The following EYA3 variants were observed in gnomAD, a reference collection of about 807,000 sequenced individuals.
EYA3 encodes the protein protein phosphatase EYA3.
A neutral mutation model predicts 80.0 loss-of-function variants in EYA3; 39 were observed. That is an observed-to-expected ratio of 0.49 (90% CI 0.38 to 0.64). The LOEUF (loss-of-function observed/expected upper bound fraction) is 0.64, where lower values mean the gene tolerates loss of function less well. EYA3 is among the 30% of genes least tolerant of loss of function. EYA3 has a pLI of 0.00. For synonymous variants in EYA3, 206 were observed against 232.8 expected (o/e 0.88, Z 1.05); for missense variants, 523 against 676.1 (o/e 0.77, Z 2.51).
At position 27,974,407 on chromosome 1, in the gene EYA3, T is replaced by C. The variant is rs1638839983; in HGVS notation, c.*59A>G. The C allele has an allele frequency of 7.5e-7, 1 of 1,340,978 alleles. No individual in the cohort carries two copies. The highest frequency in any genetic ancestry group is 1.1e-6 in the Non-Finnish European group (1 of 950,966). 83.1% of individuals were successfully genotyped at this position (1,340,978 alleles called of 1,614,324 possible). A position where few individuals can be genotyped will look rare whatever the true frequency, so the allele number is the denominator to read the frequency against. The stretch of plus-strand genomic sequence containing the variant: ...AGAGAAAGTTCTCAGTTGGTTCCAG[T>C]CTCCAGCTCCCTTCAGGAGTGAAAA... On this transcript the variant is annotated 3_prime_UTR_variant, in exon 18 of 18. Transcript: ENST00000373871.
chr1:28,019,147 CAG>C (rs1642261502), intron 7 of EYA3, among the ~76,000 whole-genome samples: 1 of 152,058 alleles, frequency 6.6e-6, no homozygotes, highest in Non-Finnish European at 1.5e-5. Context: ...GCCTGGGCGA[CAG>C]AGTGACTCAG....
chr1:28,042,660 C>T lies in EYA3; in HGVS notation c.78-10G>A. The T allele has an allele frequency of 6.2e-7, 1 of 1,611,574 alleles. No individual in the cohort carries two copies. Among genetic ancestry groups the T allele is most frequent in the African/African-American group, 1.3e-5 (1 of 74,986 alleles). ...TGGATTGCTTACTTGACTGGGAGAACCAAAATGAATACATTAGCCCCTGAT... is the reference window on the plus strand; with the variant it reads ...TGGATTGCTTACTTGACTGGGAGAATCAAAATGAATACATTAGCCCCTGAT... On this transcript the variant is annotated splice_polypyrimidine_tract_variant and intron_variant, in intron 3 of 17. Transcript: ENST00000373871.
intron 3 of EYA3, among the ~76,000 whole-genome samples, 179 bp from the exon 4 acceptor site, chr1:28,042,829 C>A (rs925007668): frequency 1.3e-5 from 2 of 151,954 alleles, no homozygotes; most frequent in Non-Finnish European, 2.9e-5. Flanking sequence ...AGGGCTAGTA[C>A]CCTCAGCATT....
chr1:27,984,645 C>T (rs1639530171), intron 16 of EYA3, among the ~76,000 whole-genome samples: 1 of 152,178 alleles, frequency 6.6e-6, no homozygotes, highest in African/African-American at 2.4e-5. Flanking sequence ...GGACTTTTGT[C>T]ACTGCTGTAT....
At chr1:28,004,707 A>G (rs545293653) in intron 10 of EYA3, among the ~76,000 whole-genome samples, 5 of 152,056 alleles carry the variant, frequency 3.3e-5, no homozygotes, top group African/African-American at 1.2e-4. Flanking sequence ...TTACATATAT[A>G]TATGTATTTT....
rs1643614033 is a variant in EYA3 at position 28,038,836 on chromosome 1, T to C, written c.224+3A>G. On this transcript the variant is annotated splice_donor_region_variant and intron_variant, in intron 5 of 17. Coordinates refer to ENST00000373871, the MANE Select transcript of EYA3 (RefSeq NM_001990.4). The stretch of plus-strand genomic sequence containing the variant: ...GCATTTTGGAAATAATTATTCAACT[T>C]ACTTTGCAGAATACATTTGTGAGGT... 7.8e-6 allele frequency: 12 copies of C among 1,538,650 alleles called. No homozygotes were observed. Among genetic ancestry groups the C allele is most frequent in the Non-Finnish European group, 1.1e-5 (12 of 1,131,240 alleles).
intron 1 of EYA3, among the ~76,000 whole-genome samples, chr1:28,071,513 T>A (rs1011519779): frequency 6.6e-6 from 1 of 152,204 alleles, no homozygotes; most frequent in Non-Finnish European, 1.5e-5. Flanking sequence ...GATAAACACA[T>A]CATAATATGG....
intron 15 of EYA3, 152 bp downstream of exon 15, chr1:27,989,545 C>T (rs921991580): frequency 7.1e-6 from 3 of 423,744 alleles, no homozygotes; most frequent in Non-Finnish European, 1.3e-5. Flanking sequence ...ATAAAATGAC[C>T]TTGCTTCTCA....
intron 1 of EYA3, among the ~76,000 whole-genome samples, chr1:28,059,798 G>A (rs942285590): frequency 6.9e-6 from 1 of 145,364 alleles, no homozygotes; most frequent in Non-Finnish European, 1.5e-5. Context: ...TCGGCTAACT[G>A]CAACCTCCGT....
chr1:27,990,552 CT>C (rs370894433), intron 14 of EYA3: 122 of 131,106 alleles, frequency 9.3e-4, no homozygotes, highest in South Asian at 2.5e-3. Context: ...ACCAGTTGTC[CT>C]TTTTTTTTTT....
chr1:28,036,016 T>C (rs1269706887), intron 5 of EYA3, among the ~76,000 whole-genome samples: 2 of 152,140 alleles, frequency 1.3e-5, no homozygotes, highest in African/African-American at 4.8e-5. Context: ...TGTTTCACCA[T>C]GTTGGCCAGG....
intron 1 of EYA3, among the ~76,000 whole-genome samples, chr1:28,083,084 C>T (rs1645488990): frequency 6.6e-6 from 1 of 152,146 alleles, no homozygotes; most frequent in African/African-American, 2.4e-5. Context: ...ACTAAAGTAG[C>T]AGACCCTTGT....
At chr1:27,982,484 G>A (rs1395606281) in intron 16 of EYA3, among the ~76,000 whole-genome samples, 1 of 149,790 alleles carries the variant, frequency 6.7e-6, no homozygotes, top group East Asian at 2.0e-4. Context: ...AAAAAATCAA[G>A]ACATTACAGA....
At chr1:28,029,233 C>G (rs935969550) in intron 6 of EYA3, among the ~76,000 whole-genome samples, 1 of 152,148 alleles carries the variant, frequency 6.6e-6, no homozygotes, top group Non-Finnish European at 1.5e-5. Context: ...AAATAGCACA[C>G]ATACCTTTAG....
chr1:28,048,295 C>T lies in EYA3; in HGVS notation c.77+88G>A, dbSNP rs1571892231. 8.9e-6 allele frequency: 7 copies of T among 783,398 alleles called. No homozygotes were observed. In the South Asian group the frequency reaches 1.7e-4, roughly 19 times the overall value. The allele number at this position is 783,398 out of a possible 1,614,324, so 48.5% of individuals were successfully genotyped here. A position where few individuals can be genotyped will look rare whatever the true frequency, so the allele number is the denominator to read the frequency against. On this transcript the variant is annotated intron_variant, in intron 3 of 17. Coordinates refer to ENST00000373871, the MANE Select transcript of EYA3 (RefSeq NM_001990.4). ...CTGATGGTAAGAACCAAAAAGAGGG[C>T]AAAGCATGCCCATACGCTAATCAGC... is the stretch of plus-strand genomic sequence containing the variant.
At chr1:28,083,496 G>A (rs1239779713) in intron 1 of EYA3, among the ~76,000 whole-genome samples, 2 of 152,016 alleles carry the variant, frequency 1.3e-5, no homozygotes, top group African/African-American at 4.8e-5. Context: ...CTCTAGCCTG[G>A]GCGACAGGGC....
intron 1 of EYA3, among the ~76,000 whole-genome samples, chr1:28,072,609 G>C (rs541051757): frequency 4.6e-5 from 7 of 152,276 alleles, no homozygotes; most frequent in African/African-American, 1.7e-4. Flanking sequence ...ATTAGAAATT[G>C]CACACTGCTG....
At position 28,048,387 on chromosome 1, in the gene EYA3, T is replaced by C. The variant is rs1362583241; in HGVS notation, c.73A>G (p.Ile25Val). 6 of 1,609,980 alleles carry C rather than the reference T, an allele frequency of 3.7e-6. No homozygotes were observed. The highest frequency in any genetic ancestry group is 1.7e-5 in the Admixed American group (1 of 59,376). Residue 25 changes from isoleucine to valine, a missense_variant, in exon 3 of 18, where the codon ATA becomes GTA. Coordinates refer to ENST00000373871, the MANE Select transcript of EYA3 (RefSeq NM_001990.4). ...AKMQESGEQTISQVSNPDVSD... is the reference protein window; with the variant it reads ...AKMQESGEQTVSQVSNPDVSD... ...AAGAAAGCAAACTTTACATACCTTA[T>C]AGTTTGCTCTCCTGATTCCTGCATC...
chr1:28,049,227 CAAGGTA>C (rs1393603741), intron 2 of EYA3, among the ~76,000 whole-genome samples: 1 of 152,068 alleles, frequency 6.6e-6, no homozygotes, highest in Non-Finnish European at 1.5e-5. Context: ...CTATTTCAGA[CAAGGTA>C]AATAATACAG....
Sources: allele counts gnomAD v4.1 joint callset (sites outside exome capture counted in the v4.1 genomes callset), GRCh38; gene constraint gnomAD v4.1.1; transcripts MANE v1.5; gene names NCBI Gene and HGNC (gene_info 2026-07-23, HGNC 2026-07-21).